The following SAMHD1 variants were observed in gnomAD, a reference collection of about 807,000 sequenced individuals.
SAMHD1 encodes deoxynucleoside triphosphate triphosphohydrolase SAMHD1.
In SAMHD1, 54 loss-of-function variants were observed where a neutral mutation model predicts 79.6. That is an observed-to-expected ratio of 0.68 (90% CI 0.55 to 0.85). The LOEUF (loss-of-function observed/expected upper bound fraction) is 0.85. Among genes scored for constraint, SAMHD1 ranks in the 40% least tolerant of loss-of-function variants. SAMHD1 has a pLI of 0.00. For synonymous variants in SAMHD1, 260 were observed against 264.1 expected (o/e 0.98, Z 0.15); for missense variants, 663 against 782.7 (o/e 0.85, Z 1.82).
chr20:36,890,423 C>CTTTCT lies in SAMHD1; in HGVS notation c.*2504_*2508dup, dbSNP rs1555830201. 9.6e-6 allele frequency: 1 copy of CTTTCT among 104,692 alleles called. No homozygotes were observed. The highest frequency in any genetic ancestry group is 3.5e-4 in the South Asian group (1 of 2,832). The allele number at this position is 104,692 out of a possible 1,614,324, so 6.5% of individuals were successfully genotyped here. A position where few individuals can be genotyped will look rare whatever the true frequency, so the allele number is the denominator to read the frequency against. ...CTTTCTTTCTTTCTTTCTTTCTTTT[C>CTTTCT]TTTCTCTCTTTCCTTCCTTCCTTCC... On this transcript the variant is annotated 3_prime_UTR_variant, in exon 16 of 16. Coordinates refer to ENST00000646673, the MANE Select transcript of SAMHD1 (RefSeq NM_015474.4).
chr20:36,927,033 T>A (rs1034824440), intron 6 of SAMHD1, 149 bp downstream of exon 6: 1 of 417,394 alleles, frequency 2.4e-6, no homozygotes, highest in African/African-American at 2.1e-5. Flanking sequence ...AACAAAAGCA[T>A]ATATATATAT....
chr20:36,937,937 A>C (rs1258992003), intron 3 of SAMHD1, among the ~76,000 whole-genome samples: 2 of 150,612 alleles, frequency 1.3e-5, no homozygotes, highest in Non-Finnish European at 2.9e-5. Flanking sequence ...GGCTCACTGA[A>C]GCCTCCACCT....
chr20:36,907,764 C>G (rs1490540682), intron 11 of SAMHD1, among the ~76,000 whole-genome samples: 1 of 152,000 alleles, frequency 6.6e-6, no homozygotes, highest in Non-Finnish European at 1.5e-5. Flanking sequence ...GCGTAAGCCA[C>G]CATGCCTGGC....
intron 3 of SAMHD1, among the ~76,000 whole-genome samples, chr20:36,938,505 A>G (rs2063619052): frequency 6.6e-6 from 1 of 151,522 alleles, no homozygotes; most frequent in Non-Finnish European, 1.5e-5. Flanking sequence ...ACGCCACTGC[A>G]CTCCAGCCTG....
In SAMHD1 at chr20:36,927,369, G is replaced by A. The variant is rs1455079609; in HGVS notation, c.626-117C>T. 4.9e-6 allele frequency: 4 copies of A among 817,280 alleles called. No individual in the cohort carries two copies. In the South Asian group the frequency reaches 5.8e-5, roughly 12 times the overall value. The allele number at this position is 817,280 out of a possible 1,614,324, so 50.6% of individuals were successfully genotyped here. A position where few individuals can be genotyped will look rare whatever the true frequency, so the allele number is the denominator to read the frequency against. On this transcript the variant is annotated intron_variant, in intron 5 of 15. Transcript: ENST00000646673. ...TTTCGCTCTTGTTGCCCAGGCTGGA[G>A]TGTAGTGGTACAATCTTGGCTCAAC...
At chr20:36,903,439 C>A (rs2063387144) in intron 13 of SAMHD1, among the ~76,000 whole-genome samples, 1 of 151,612 alleles carries the variant, frequency 6.6e-6, no homozygotes, top group Non-Finnish European at 1.5e-5. Flanking sequence ...GGGGGTTTCA[C>A]CATGTTGGCC....
intron 9 of SAMHD1, among the ~76,000 whole-genome samples, chr20:36,914,638 G>A (rs2063464949): frequency 6.6e-6 from 1 of 151,550 alleles, no homozygotes; most frequent in Non-Finnish European, 1.5e-5. Flanking sequence ...GGGAATACAG[G>A]TGTGAGCCAC....
intron 4 of SAMHD1, 189 bp from the exon 5 acceptor site, chr20:36,931,064 A>G: frequency 1.6e-6 from 1 of 622,274 alleles, no homozygotes; most frequent in Non-Finnish European, 2.9e-6. Context: ...CCTCTGGCTC[A>G]ATATCACCAA....
chr20:36,932,352 CA>C (rs71186091), intron 4 of SAMHD1, among the ~76,000 whole-genome samples: 7,244 of 34,156 alleles, frequency 0.21, 74 homozygotes, highest in Non-Finnish European at 0.27. Flanking sequence ...ACTCCGTCTC[CA>C]AAAAAAAAAA....
At chr20:36,933,236 A>G (rs1231741635) in intron 4 of SAMHD1, among the ~76,000 whole-genome samples, 2 of 151,906 alleles carry the variant, frequency 1.3e-5, no homozygotes, top group Non-Finnish European at 2.9e-5. Flanking sequence ...AAGACTGTCT[A>G]TTCTTCCCTG....
At chr20:36,917,436 G>A (rs1438053763) in intron 7 of SAMHD1, among the ~76,000 whole-genome samples, 4 of 152,084 alleles carry the variant, frequency 2.6e-5, no homozygotes, top group African/African-American at 9.7e-5. Context: ...GGCGGATCAC[G>A]AGGTCTGGAG....
chr20:36,905,448 T>A lies in SAMHD1; in HGVS notation c.1326A>T (p.Arg442=). 1 of 1,613,748 alleles carries A rather than the reference T, an allele frequency of 6.2e-7. No homozygotes were observed. The highest frequency in any genetic ancestry group is 8.5e-7 in the Non-Finnish European group (1 of 1,179,662). The change falls in exon 12 of 16, where the codon CGA becomes CGT. Residue 442 remains arginine, a synonymous_variant. Transcript: ENST00000646673. ...GGTATTCAATTTGTTTTAAAATCTC[T>A]CGTGCGTCTTTCAATTTGGGATCAG... ...YSTDPKLKDA[R]EILKQIEYRN...
At chr20:36,938,652 C>T (rs370411783) in intron 3 of SAMHD1, among the ~76,000 whole-genome samples, 6 of 151,294 alleles carry the variant, frequency 4.0e-5, no homozygotes, top group South Asian at 2.1e-4. Context: ...CTAGCTAACG[C>T]GGTGAAACCC....
At chr20:36,932,282 C>T (rs1224760592) in intron 4 of SAMHD1, among the ~76,000 whole-genome samples, 1 of 131,578 alleles carries the variant, frequency 7.6e-6, no homozygotes, top group African/African-American at 2.9e-5. Context: ...ACCGAGGAGG[C>T]GGAGGTTGTG....
chr20:36,918,357 GCCTGCAATC>G (rs942520939), intron 7 of SAMHD1, among the ~76,000 whole-genome samples: 2 of 151,406 alleles, frequency 1.3e-5, no homozygotes, highest in African/African-American at 4.9e-5. Context: ...GGTGGCTCAC[GCCTGCAATC>G]CCAGTATTTT....
intron 1 of SAMHD1, among the ~76,000 whole-genome samples, chr20:36,947,709 C>A (rs2063703709): frequency 6.6e-6 from 1 of 151,886 alleles, no homozygotes; most frequent in Admixed American, 6.6e-5. Context: ...TGCTTGTTGC[C>A]CAGGTTGGAG....
intron 1 of SAMHD1, among the ~76,000 whole-genome samples, chr20:36,950,739 A>G (rs1238698679): frequency 6.6e-6 from 1 of 152,278 alleles, no homozygotes; most frequent in African/African-American, 2.4e-5. Context: ...AGAGCAAAAC[A>G]TGTTCCTTAC....
intron 13 of SAMHD1, among the ~76,000 whole-genome samples, chr20:36,901,046 A>T (rs1024105071): frequency 6.6e-6 from 1 of 152,188 alleles, no homozygotes; most frequent in Non-Finnish European, 1.5e-5. Flanking sequence ...ACATAAAATA[A>T]AAACATAAAG....
chr20:36,933,448 T>C (rs980128571), intron 4 of SAMHD1, among the ~76,000 whole-genome samples: 1 of 152,138 alleles, frequency 6.6e-6, no homozygotes. Flanking sequence ...AATTAAATAA[T>C]CAAATATACA....
Sources: allele counts gnomAD v4.1 joint callset (sites outside exome capture counted in the v4.1 genomes callset), GRCh38; gene constraint gnomAD v4.1.1; transcripts MANE v1.5; gene names NCBI Gene and HGNC (gene_info 2026-07-23, HGNC 2026-07-21).